The following PIEZO1 variants were observed in gnomAD, a reference collection of about 807,000 sequenced individuals.
PIEZO1 encodes the protein piezo type mechanosensitive ion channel component 1 (Er blood group).
Under a neutral mutation model 297.2 loss-of-function variants are expected in PIEZO1, and 296 were observed. The ratio of observed to expected loss-of-function variants is 1.00; its 90% CI spans 0.91 to 1.10. The LOEUF is 1.10. Ranked by LOEUF, PIEZO1 falls within the 50% of genes least tolerant of loss-of-function variation. PIEZO1 has a pLI of 0.00. For synonymous variants in PIEZO1, 2,427 were observed against 1,507.5 expected (o/e 1.61, Z -14.13); for missense variants, 5,018 against 3,455.5 (o/e 1.45, Z -11.34).
At position 88,720,697 on chromosome 16, in the gene PIEZO1, G is replaced by T. The variant is rs778144394; in HGVS notation, c.5720C>A (p.Thr1907Lys). 2 of 1,536,770 alleles carry T rather than the reference G, an allele frequency of 1.3e-6. No homozygotes were observed. Among genetic ancestry groups the T allele is most frequent in the Non-Finnish European group, 8.8e-7 (1 of 1,141,468 alleles). Reference sequence around the variant, plus strand: ...GCGGCTTGGCCTCTTCTCTCTCCCCGTGGGGGCCTCTTTCTCTTCCTCCCC... The same window carrying T: ...GCGGCTTGGCCTCTTCTCTCTCCCCTTGGGGGCCTCTTTCTCTTCCTCCCC... ...EEGEEEKEAP[T>K]GREKRPSRSG... Residue 1907 changes from threonine (T) to lysine (K), a missense_variant, in exon 40 of 51, where the codon ACG becomes AAG. Transcript: ENST00000301015.
At chr16:88,732,232 C>G (rs1283010904) in intron 21 of PIEZO1, 103 bp downstream of exon 21, 12 of 1,050,440 alleles carry the variant, frequency 1.1e-5, no homozygotes, top group South Asian at 3.0e-5. Context: ...GTGGCCCAGG[C>G]AAACCCAGGT....
At chr16:88,764,524 G>A (rs1437345187) in intron 1 of PIEZO1, among the ~76,000 whole-genome samples, 2 of 152,028 alleles carry the variant, frequency 1.3e-5, no homozygotes. Flanking sequence ...AAGCTAAGGC[G>A]GGTGGATCAT....
intron 1 of PIEZO1, among the ~76,000 whole-genome samples, chr16:88,751,801 C>T (rs1225683541): frequency 6.6e-6 from 1 of 152,162 alleles, no homozygotes; most frequent in East Asian, 1.9e-4. Context: ...CTGCCCCAGT[C>T]CTGTCCCCAG....
intron 22 of PIEZO1, among the ~76,000 whole-genome samples, chr16:88,728,166 C>T (rs1904589175): frequency 6.6e-6 from 1 of 152,252 alleles, no homozygotes; most frequent in South Asian, 2.1e-4. Flanking sequence ...TGCTGGGAGT[C>T]CTGCTGACGT....
chr16:88,765,668 ATTT>A (rs397966717), intron 1 of PIEZO1, among the ~76,000 whole-genome samples: 4 of 131,738 alleles, frequency 3.0e-5, no homozygotes, highest in Non-Finnish European at 1.6e-5. Context: ...GTTATCTCTA[ATTT>A]TTTTTTTTTT....
At chr16:88,743,073 C>T (rs1567679531) in intron 2 of PIEZO1, 3 of 456,400 alleles carry the variant, frequency 6.6e-6, no homozygotes, top group African/African-American at 2.0e-5. Context: ...TGTGCACCCA[C>T]ACCTGGCAGG....
At chr16:88,768,628 G>T (rs918164673) in intron 1 of PIEZO1, among the ~76,000 whole-genome samples, 2 of 152,224 alleles carry the variant, frequency 1.3e-5, no homozygotes, top group African/African-American at 2.4e-5. Flanking sequence ...GCAGGAGCTC[G>T]TCCACAGGGC....
rs535201858 is a variant in PIEZO1 at position 88,738,305 on chromosome 16, G to A, written c.770C>T (p.Ala257Val). ...RLCVAVGCFG[A>V]GHLICLYCYQ... ...GCAGTAGAGGCAGATGAGATGGCCG[G>A]CGCCGAAGCACCCCACCGCGACGCA... Residue 257 changes from alanine (A) to valine (V), a missense_variant, in exon 7 of 51, where the codon GCC (alanine) becomes GTC (valine). Ala to Val is a moderately conservative substitution (Grantham distance 64). Coordinates refer to ENST00000301015, the MANE Select transcript of PIEZO1 (RefSeq NM_001142864.4). 6.5e-7 allele frequency: 1 copy of A among 1,535,898 alleles called. No individual in the cohort carries two copies. Among genetic ancestry groups the A allele is most frequent in the African/African-American group, 1.4e-5 (1 of 73,176 alleles).
At chr16:88,764,670 G>A (rs1392098399) in intron 1 of PIEZO1, among the ~76,000 whole-genome samples, 1 of 150,700 alleles carries the variant, frequency 6.6e-6, no homozygotes, top group East Asian at 2.0e-4. Flanking sequence ...AGAATCGCTT[G>A]AACCTGGGAG....
At chr16:88,724,299 G>C (rs1597447603) in intron 30 of PIEZO1, among the ~76,000 whole-genome samples, 1 of 152,254 alleles carries the variant, frequency 6.6e-6, no homozygotes, top group Middle Eastern at 3.2e-3. Context: ...GGGAGGCTGA[G>C]GCGGGCGGAT....
chr16:88,735,733 G>C (rs1055279594), intron 12 of PIEZO1, among the ~76,000 whole-genome samples: 1 of 152,258 alleles, frequency 6.6e-6, no homozygotes, highest in Admixed American at 6.5e-5. Context: ...GTGAACACAT[G>C]GCCTGCACAG....
chr16:88,748,007 C>T (rs751917339), intron 2 of PIEZO1, among the ~76,000 whole-genome samples: 1 of 152,222 alleles, frequency 6.6e-6, no homozygotes, highest in East Asian at 1.9e-4. Context: ...GGACAGGCCC[C>T]GACGCTGCCA....
At chr16:88,767,835 C>T (rs951894852) in intron 1 of PIEZO1, among the ~76,000 whole-genome samples, 13 of 152,070 alleles carry the variant, frequency 8.5e-5, no homozygotes, top group Admixed American at 6.5e-5. Flanking sequence ...CTTGAGGGAT[C>T]GAGGGGACTC....
rs553318017 is a variant in PIEZO1, at chr16:88,721,446, G to A, written c.5404-16C>T. On this transcript the variant is annotated splice_polypyrimidine_tract_variant and intron_variant, in intron 38 of 50. Transcript: ENST00000301015. Reference sequence around the variant, plus strand: ...GGCCATAGCACTGAGGGGCGGGAGGGTGTGGTGAGGGGGCCTTGCCTCCCT... The same window carrying A: ...GGCCATAGCACTGAGGGGCGGGAGGATGTGGTGAGGGGGCCTTGCCTCCCT... The A allele has an allele frequency of 5.2e-6, 8 of 1,542,454 alleles. No homozygotes were observed. Among genetic ancestry groups the A allele is most frequent in the South Asian group, 4.8e-5 (4 of 83,748 alleles).
intron 1 of PIEZO1, among the ~76,000 whole-genome samples, chr16:88,755,046 GGTCACCGCCGCGGCCATCAC>G (rs768646404): frequency 3.9e-5 from 6 of 152,230 alleles, no homozygotes; most frequent in East Asian, 1.9e-4. Context: ...GCGGCCATCA[GGTCACCGCCGCGGCCATCAC>G]GTCACCGCCG....
intron 2 of PIEZO1, among the ~76,000 whole-genome samples, chr16:88,746,161 G>C (rs1406004382): frequency 1.3e-5 from 2 of 152,234 alleles, no homozygotes; most frequent in African/African-American, 2.4e-5. Flanking sequence ...CTAGGGCTGA[G>C]CTGCGGGGTA....
Position 88,715,536 on chromosome 16 carries a change from A to T in PIEZO1, c.*69T>A. ...GGGCAGTGGCTCCCCCGGCCTGAGG[A>T]GTGCCGCCCCTTGTGGCCACGCTGC... On this transcript the variant is annotated 3_prime_UTR_variant, in exon 51 of 51. Coordinates refer to ENST00000301015, the MANE Select transcript of PIEZO1 (RefSeq NM_001142864.4). The T allele has an allele frequency of 6.9e-7, 1 of 1,448,780 alleles. No individual in the cohort carries two copies. The highest frequency in any genetic ancestry group is 9.3e-7 in the Non-Finnish European group (1 of 1,071,920). 89.7% of individuals were successfully genotyped at this position (1,448,780 alleles called of 1,614,324 possible). A position where few individuals can be genotyped will look rare whatever the true frequency, so the allele number is the denominator to read the frequency against.
intron 1 of PIEZO1, among the ~76,000 whole-genome samples, chr16:88,755,474 A>C (rs533621922): frequency 6.6e-6 from 1 of 152,188 alleles, no homozygotes; most frequent in Admixed American, 6.5e-5. Context: ...GTTCCCAGCC[A>C]CCTGCACATT....
intron 1 of PIEZO1, among the ~76,000 whole-genome samples, chr16:88,755,293 C>T (rs1233713970): frequency 1.3e-5 from 2 of 152,224 alleles, no homozygotes; most frequent in African/African-American, 4.8e-5. Flanking sequence ...TGATTAACCC[C>T]GGGTCTCGGA....
Sources: gnomAD v4.1 joint callset for allele counts (sites outside exome capture counted in the v4.1 genomes callset) on GRCh38, gnomAD v4.1.1 for gene constraint, MANE v1.5 for transcripts, NCBI Gene and HGNC (gene_info 2026-07-23, HGNC 2026-07-21) for gene names.